The following IDNK variants were observed in gnomAD, a reference collection of about 807,000 sequenced individuals.
The protein encoded by IDNK is IDNK gluconokinase.
IDNK carries 9 observed loss-of-function variants against 13.0 expected under a neutral mutation model. The observed-to-expected ratio is 0.69, with a 90% CI of 0.42 to 1.21. IDNK has a LOEUF of 1.21. Ranked by LOEUF, IDNK falls within the 50% of genes most tolerant of loss-of-function variation. IDNK has a pLI of 0.00. For missense variants in IDNK, 210 were observed against 237.8 expected, an observed-to-expected ratio of 0.88 and a Z score of 0.77; for synonymous variants, 92 against 94.9, an observed-to-expected ratio of 0.97 and a Z score of 0.18.
At chr9:83,623,053 G>A (rs1367766596), upstream of IDNK, 10 of 682,606 alleles carry the variant, frequency 1.5e-5, no homozygotes, top group East Asian at 1.4e-4. Context: ...CGGGGAGGGC[G>A]CAGAGGGGCA....
At chr9:83,623,242 G>A (rs1587597232) in intron 1 of IDNK, 21 bp downstream of exon 1, 2 of 1,386,342 alleles carry the variant, frequency 1.4e-6, no homozygotes, top group Non-Finnish European at 1.9e-6. Context: ...GAGAGGGCGG[G>A]GGGCGCCCGG....
chr9:83,641,530 T>G lies in IDNK; in HGVS notation c.169-18T>G, dbSNP rs1357109975. ...AGAAGTCACGTTGTGTCTGGGTTTT[T>G]GTTTTTGTTTTTTTCAGGACCGGAT... On this transcript the variant is annotated intron_variant, in intron 3 of 4. Transcript: ENST00000376419. 2 of 1,613,706 alleles carry G rather than the reference T, an allele frequency of 1.2e-6. No homozygotes were observed. Among genetic ancestry groups the G allele is most frequent in the Non-Finnish European group, 8.5e-7 (1 of 1,179,828 alleles).
At chr9:83,635,137 G>C (rs1052939197) in intron 3 of IDNK, among the ~76,000 whole-genome samples, 10 of 152,202 alleles carry the variant, frequency 6.6e-5, no homozygotes, top group African/African-American at 2.4e-4. Flanking sequence ...GGACTCCAGG[G>C]CTGGCTCTCT....
At position 83,627,997 on chromosome 9, in the gene IDNK, T is replaced by C. The variant is rs151317365; in HGVS notation, c.51-184T>C. ...CTAATTATTTCTTCATTGACATTCG[T>C]GGGGATCAGCTAAGGCCAGTCTCCA... is the stretch of plus-strand genomic sequence containing the variant. On this transcript the variant is annotated intron_variant, in intron 1 of 4. Transcript: ENST00000376419. 2.9e-4 allele frequency: 406 copies of C among 1,381,094 alleles called. 1 individual carries two copies. The East Asian group carries it at 0.011, about 36-fold the overall frequency. 85.6% of individuals were successfully genotyped at this position (1,381,094 alleles called of 1,614,324 possible).
At chr9:83,632,377 C>G (rs1831042235) in intron 3 of IDNK, among the ~76,000 whole-genome samples, 2 of 152,020 alleles carry the variant, frequency 1.3e-5, no homozygotes, top group African/African-American at 2.4e-5. Flanking sequence ...GTAGAGCATT[C>G]ATTGTGCTCA....
At chr9:83,636,798 G>C (rs1050708780) in intron 3 of IDNK, among the ~76,000 whole-genome samples, 11 of 152,238 alleles carry the variant, frequency 7.2e-5, no homozygotes, top group African/African-American at 2.6e-4. Flanking sequence ...TATGAGTAAG[G>C]ATACAGAAGA....
intron 3 of IDNK, among the ~76,000 whole-genome samples, chr9:83,639,551 T>C (rs1831246970): frequency 6.6e-6 from 1 of 152,132 alleles, no homozygotes; most frequent in Non-Finnish European, 1.5e-5. Context: ...GTGAGACTCA[T>C]CAAGAAGAAA....
In IDNK at chr9:83,643,992, G is replaced by T. The variant is rs902263414; in HGVS notation, c.*212G>T. 1 of 495,910 alleles carries T rather than the reference G, an allele frequency of 2.0e-6. No individual in the cohort carries two copies. The highest frequency in any genetic ancestry group is 3.6e-6 in the Non-Finnish European group (1 of 277,864). 30.7% of individuals were successfully genotyped at this position (495,910 alleles called of 1,614,324 possible). ...GAGTTTTAAAAGTCAAGCTTAAATT[G>T]AAGTTTAAATTCATCTATAACCAAA... On this transcript the variant is annotated 3_prime_UTR_variant, in exon 5 of 5. Transcript: ENST00000376419.
At chr9:83,641,405 G>A (rs1211426010) in intron 3 of IDNK, 143 bp from the exon 4 acceptor site, 5 of 796,500 alleles carry the variant, frequency 6.3e-6, no homozygotes, top group Non-Finnish European at 1.0e-5. Flanking sequence ...TGGCCCCTCA[G>A]CCTTGTGCAT....
At chr9:83,642,451 G>T (rs1831336785) in intron 4 of IDNK, among the ~76,000 whole-genome samples, 1 of 150,822 alleles carries the variant, frequency 6.6e-6, no homozygotes, top group African/African-American at 2.4e-5. Flanking sequence ...GCCTACCTGG[G>T]TTTCTAATAT....
At chr9:83,638,753 A>G (rs1831225595) in intron 3 of IDNK, among the ~76,000 whole-genome samples, 1 of 152,244 alleles carries the variant, frequency 6.6e-6, no homozygotes, top group Non-Finnish European at 1.5e-5. Context: ...CTATTGAAAA[A>G]TAATGGTCAA....
At chr9:83,625,544 G>A (rs200680312) in intron 1 of IDNK, among the ~76,000 whole-genome samples, 1 of 152,252 alleles carries the variant, frequency 6.6e-6, no homozygotes, top group East Asian at 1.9e-4. Flanking sequence ...GGGTCAGGGA[G>A]ATGTGTCCAA....
At chr9:83,639,172 A>G (rs1182199090) in intron 3 of IDNK, among the ~76,000 whole-genome samples, 1 of 152,192 alleles carries the variant, frequency 6.6e-6, no homozygotes, top group Non-Finnish European at 1.5e-5. Context: ...CTCTAAAAAT[A>G]AATAAGCAAA....
intron 1 of IDNK, among the ~76,000 whole-genome samples, chr9:83,627,853 C>CAAAAAA (rs149062579): frequency 5.4e-5 from 4 of 73,942 alleles, no homozygotes; most frequent in Admixed American, 3.0e-4. Flanking sequence ...ATCCCCACCA[C>CAAAAAA]AAAAAAAAAA....
At chr9:83,636,979 C>T (rs1053845552) in intron 3 of IDNK, among the ~76,000 whole-genome samples, 3 of 152,358 alleles carry the variant, frequency 2.0e-5, no homozygotes, top group African/African-American at 7.2e-5. Context: ...ACTTGTTTCA[C>T]TACATACACC....
intron 3 of IDNK, among the ~76,000 whole-genome samples, chr9:83,639,901 A>G (rs1472916928): frequency 1.3e-5 from 2 of 152,234 alleles, no homozygotes; most frequent in Non-Finnish European, 2.9e-5. Flanking sequence ...TAACCTACAG[A>G]TACGAACTGT....
chr9:83,643,966 G>A lies in IDNK; in HGVS notation c.*186G>A, dbSNP rs1831388651. ...TGCTGGTTCATCAGGAAGCAGAGGG[G>A]GAGTTTTAAAAGTCAAGCTTAAATT... On this transcript the variant is annotated 3_prime_UTR_variant, in exon 5 of 5. Transcript: ENST00000376419. 2 of 529,816 alleles carry A rather than the reference G, an allele frequency of 3.8e-6. No individual in the cohort carries two copies. Among genetic ancestry groups the A allele is most frequent in the East Asian group, 3.0e-5 (1 of 33,156 alleles). The allele number at this position is 529,816 out of a possible 1,614,324, so 32.8% of individuals were successfully genotyped here.
intron 1 of IDNK, chr9:83,626,512 G>A (rs1830853715): frequency 2.4e-6 from 1 of 415,648 alleles, no homozygotes; most frequent in African/African-American, 2.0e-5. Flanking sequence ...TGCCTCCTGA[G>A]TTCAAGCGAT....
rs1010332996 is a variant in IDNK, at chr9:83,628,925, G to A, written c.134G>A (p.Arg45Lys). 2 of 1,613,964 alleles carry A rather than the reference G, an allele frequency of 1.2e-6. No homozygotes were observed. Among genetic ancestry groups the A allele is most frequent in the Non-Finnish European group, 1.7e-6 (2 of 1,179,948 alleles). ...GATTATCACCCGGAGGAAAATCGAA[G>A]GAAGATGGGAAAAGGCATACCGCTC... ...ADDYHPEENR[R>K]KMGKGIPLND... is the part of the protein sequence containing the mutation. Residue 45 changes from arginine to lysine, a missense_variant, in exon 3 of 5, where the codon AGG (arginine) becomes AAG (lysine). Transcript: ENST00000376419.
Sources: allele counts gnomAD v4.1 joint callset (sites outside exome capture counted in the v4.1 genomes callset), GRCh38; gene constraint gnomAD v4.1.1; transcripts MANE v1.5; gene names NCBI Gene and HGNC (gene_info 2026-07-23, HGNC 2026-07-21).